The following ADGRL2 variants were observed in gnomAD, a reference collection of about 807,000 sequenced individuals.
The protein encoded by ADGRL2 is calcium-independent alpha-latrotoxin receptor 2.
Under a neutral mutation model 157.4 loss-of-function variants are expected in ADGRL2, and 44 were observed. The observed-to-expected ratio is 0.28, with a 90% CI of 0.22 to 0.36. ADGRL2 has a LOEUF of 0.36. Ranked by LOEUF, ADGRL2 falls within the 10% of genes least tolerant of loss-of-function variation. ADGRL2 has a pLI of 1.00. For missense variants in ADGRL2, 1,510 were observed against 1,768.9 expected, an observed-to-expected ratio of 0.85 and a Z score of 2.63; for synonymous variants, 585 against 624.7, an observed-to-expected ratio of 0.94 and a Z score of 0.95.
rs1200889861 is a variant in ADGRL2 at position 81,943,033 on chromosome 1, A to C, written c.474A>C (p.Gln158His). The C allele has an allele frequency of 6.2e-7, 1 of 1,613,350 alleles. No homozygotes were observed. Among genetic ancestry groups the C allele is most frequent in the East Asian group, 2.2e-5 (1 of 44,872 alleles). Residue 158 changes from glutamine to histidine, a missense_variant, in exon 6 of 24, where the codon CAA (glutamine) becomes CAC (histidine). Gln to His is a conservative substitution (Grantham distance 24, BLOSUM62 0). Transcript: ENST00000686636. This position sits in a 1 kb window ranked among gnomAD's most constrained non-coding sequence, Gnocchi z 5.6. ...VDSPCIYEAE[Q>H]KAGAWCKDPL... ...CACCATGTATATATGAAGCTGAACA[A>C]AAGGCGGGTGCTTGGTGCAAGGACC...
At chr1:81,320,652 GA>G (rs912940058) in intron 1 of ADGRL2, among the ~76,000 whole-genome samples, 1 of 152,188 alleles carries the variant, frequency 6.6e-6, no homozygotes, top group Non-Finnish European at 1.5e-5. Flanking sequence ...TATTTTGTAA[GA>G]AAGCTTCTTT....
At chr1:81,606,872 C>T (rs1324446411) in intron 3 of ADGRL2, among the ~76,000 whole-genome samples, 1 of 151,946 alleles carries the variant, frequency 6.6e-6, no homozygotes, top group Non-Finnish European at 1.5e-5. Context: ...AATCATGTGA[C>T]CATAAAAGCA....
rs546665880 is a variant in ADGRL2 at position 81,949,813 on chromosome 1, A to C, written c.1211-376A>C. 2.6e-5 allele frequency among the ~76,000 whole-genome samples: 4 copies of C among 152,332 alleles called. No homozygotes were observed. In the South Asian group the frequency reaches 8.3e-4, roughly 32 times the overall value. On this transcript the variant is annotated intron_variant, in intron 6 of 23. Transcript: ENST00000686636. ...TGCTTTGAATTTGATTGCTTATAGA[A>C]TGTGAGTTTATACAATAGAATTTTT...
intron 1 of ADGRL2, among the ~76,000 whole-genome samples, chr1:81,704,519 T>C (rs1023447365): frequency 1.1e-4 from 17 of 152,252 alleles, no homozygotes; most frequent in African/African-American, 3.6e-4. Context: ...TAGTAATCAG[T>C]AGGAAAAGGA....
intron 2 of ADGRL2, chr1:81,503,576 G>A: frequency 7.7e-7 from 1 of 1,304,834 alleles, no homozygotes; most frequent in Non-Finnish European, 1.1e-6. Context: ...AGCACCATTT[G>A]GCCAGACATT....
At chr1:81,473,732 A>G (rs1365035604) in intron 2 of ADGRL2, among the ~76,000 whole-genome samples, 1 of 152,010 alleles carries the variant, frequency 6.6e-6, no homozygotes, top group East Asian at 1.9e-4. Flanking sequence ...CTATAGGCCT[A>G]TCAAGGGTAG....
chr1:81,594,563 T>C (rs575308843), intron 3 of ADGRL2, among the ~76,000 whole-genome samples: 9 of 152,338 alleles, frequency 5.9e-5, no homozygotes, highest in South Asian at 4.1e-4. Flanking sequence ...AGTTGGGATT[T>C]TTAAAAACAT....
At position 81,991,433 on chromosome 1, in the gene ADGRL2, C is replaced by G. The variant is rs574185509; in HGVS notation, c.*288C>G. 3.1e-4 allele frequency: 77 copies of G among 246,922 alleles called. No individual in the cohort carries two copies. The highest frequency in any genetic ancestry group is 1.7e-3 in the African/African-American group (75 of 45,068). 15.3% of individuals were successfully genotyped at this position (246,922 alleles called of 1,614,324 possible). On this transcript the variant is annotated 3_prime_UTR_variant, in exon 24 of 24. Transcript: ENST00000686636. The stretch of plus-strand genomic sequence containing the variant: ...CTGTTTAGAGAAATTGTGAAACAAG[C>G]AAAACAAAACTTTCCAGCCATTTTA...
intron 1 of ADGRL2, among the ~76,000 whole-genome samples, chr1:81,365,112 C>A (rs571445205): frequency 2.0e-5 from 3 of 152,122 alleles, no homozygotes; most frequent in Non-Finnish European, 4.4e-5. Context: ...TATACTGGTC[C>A]AAGACTAACT....
chr1:81,809,441 A>G (rs936980571), intron 1 of ADGRL2, among the ~76,000 whole-genome samples: 3 of 152,076 alleles, frequency 2.0e-5, no homozygotes, highest in Non-Finnish European at 2.9e-5. Flanking sequence ...GGAGATAAAA[A>G]TGAACTATTA....
chr1:81,990,674 A>C lies in ADGRL2; in HGVS notation c.3939A>C (p.Ala1313=). The C allele has an allele frequency of 6.2e-7, 1 of 1,614,210 alleles. No homozygotes were observed. Among genetic ancestry groups the C allele is most frequent in the Non-Finnish European group, 8.5e-7 (1 of 1,180,032 alleles). Residue 1313 remains alanine, a synonymous_variant, in exon 24 of 24, where the codon GCA becomes GCC. Transcript: ENST00000686636. ...GSSSEDDAIV[A]DASSLMHSDN... ...GCAGTGAAGATGATGCTATTGTGGC[A>C]GATGCTTCATCTTTAATGCACAGCG...
intron 13 of ADGRL2, among the ~76,000 whole-genome samples, chr1:81,967,011 G>A (rs1245856799): frequency 2.0e-5 from 3 of 152,088 alleles, no homozygotes; most frequent in East Asian, 3.9e-4. Flanking sequence ...TACTGATCAC[G>A]TTTGACACAG....
chr1:81,954,561 C>G (rs764301635), intron 10 of ADGRL2, among the ~76,000 whole-genome samples: 3 of 152,114 alleles, frequency 2.0e-5, no homozygotes, highest in African/African-American at 4.8e-5. Flanking sequence ...AGGCTCCAGT[C>G]TGTATTTCTT....
intron 1 of ADGRL2, among the ~76,000 whole-genome samples, chr1:81,754,072 G>C (rs1446932443): frequency 6.6e-6 from 1 of 152,054 alleles, no homozygotes; most frequent in Non-Finnish European, 1.5e-5. Flanking sequence ...CAGCCAGCAG[G>C]TACTTCCTCC....
chr1:81,926,913 A>G (rs1357290483), intron 3 of ADGRL2, among the ~76,000 whole-genome samples: 3 of 152,042 alleles, frequency 2.0e-5, no homozygotes, highest in Admixed American at 2.0e-4. Flanking sequence ...AGGTCCGGTA[A>G]AAACTGCAAG....
At chr1:81,915,100 T>A (rs2094824125) in intron 3 of ADGRL2, among the ~76,000 whole-genome samples, 1 of 151,980 alleles carries the variant, frequency 6.6e-6, no homozygotes, top group Non-Finnish European at 1.5e-5. Context: ...GGATCCTTGG[T>A]TTCTCCTTTT....
At chr1:81,846,987 G>GTTTT (rs148126563) in intron 2 of ADGRL2, among the ~76,000 whole-genome samples, 1 of 143,814 alleles carries the variant, frequency 7.0e-6, no homozygotes, top group Admixed American at 6.9e-5. Context: ...GTGTTTTGTT[G>GTTTT]TTTTTTTTTT....
chr1:81,967,508 G>T (rs991092965), intron 13 of ADGRL2, among the ~76,000 whole-genome samples: 1 of 152,016 alleles, frequency 6.6e-6, no homozygotes, highest in African/African-American at 2.4e-5. Context: ...TGATCCGCCC[G>T]CCTCAGCCTC....
At chr1:81,469,809 C>T (rs1319682605) in intron 2 of ADGRL2, among the ~76,000 whole-genome samples, 1 of 152,174 alleles carries the variant, frequency 6.6e-6, no homozygotes, top group East Asian at 1.9e-4. Context: ...GACTTCTTGT[C>T]ATTTCCCTTG....
Sources: gnomAD v4.1 joint callset for allele counts (sites outside exome capture counted in the v4.1 genomes callset) on GRCh38, gnomAD v4.1.1 for gene constraint, Gnocchi (gnomAD v3.1) non-coding constraint, MANE v1.5 for transcripts, NCBI Gene and HGNC (gene_info 2026-07-23, HGNC 2026-07-21) for gene names.